Variants in DLG2 observed in about 807,000 individuals in gnomAD.
DLG2 encodes the protein disks large homolog 2.
In DLG2, 45 loss-of-function variants were observed where a neutral mutation model predicts 132.5. That is an observed-to-expected ratio of 0.34 (90% CI 0.27 to 0.44). DLG2 has a LOEUF of 0.44. Ranked by LOEUF, DLG2 falls within the 20% of genes least tolerant of loss-of-function variation. DLG2 has a pLI of 1.00. For synonymous variants in DLG2, 424 were observed against 419.6 expected, an observed-to-expected ratio of 1.01 and a Z score of -0.13; for missense variants, 1,045 against 1,196.9, an observed-to-expected ratio of 0.87 and a Z score of 1.87.
chr11:83,753,846 TATATATCATATATATATTTC>T (rs2093496036), intron 18 of DLG2, among the ~76,000 whole-genome samples: 3 of 11,590 alleles, frequency 2.6e-4, no homozygotes, highest in East Asian at 0.015. Context: ...ATATATATCA[TATATATCATATATATATTTC>T]ATATATATGA....
At chr11:85,440,107 C>T (rs527267542) in intron 3 of DLG2, among the ~76,000 whole-genome samples, 97 of 152,260 alleles carry the variant, frequency 6.4e-4, no homozygotes, top group Non-Finnish European at 1.2e-3. Flanking sequence ...ATATTTACTT[C>T]ATCAATCTGT....
At chr11:84,941,809 T>C (rs1267426423) in intron 6 of DLG2, among the ~76,000 whole-genome samples, 2 of 152,102 alleles carry the variant, frequency 1.3e-5, no homozygotes, top group African/African-American at 4.8e-5. Context: ...ATAGTTTCAA[T>C]AAGACTGGTA....
intron 8 of DLG2, among the ~76,000 whole-genome samples, chr11:84,188,979 C>T (rs191143107): frequency 6.6e-6 from 1 of 152,232 alleles, no homozygotes; most frequent in Non-Finnish European, 1.5e-5. Context: ...CAATGAAGCC[C>T]ATTAACTAAT....
chr11:84,218,133 A>G (rs1334876577), intron 8 of DLG2, among the ~76,000 whole-genome samples: 1 of 151,802 alleles, frequency 6.6e-6, no homozygotes, highest in Non-Finnish European at 1.5e-5. Context: ...GTGCCACTGC[A>G]CTCCAGCCTG....
At position 84,252,112 on chromosome 11, in the gene DLG2, C is replaced by T. The variant is rs1182102097; in HGVS notation, c.520-821G>A. 4.8e-5 allele frequency among the ~76,000 whole-genome samples: 7 copies of T among 144,818 alleles called. No individual in the cohort carries two copies. The South Asian group carries it at 9.1e-4, about 19-fold the overall frequency. Reference sequence around the variant, plus strand: ...TCAACATCTACGTTTACACATTATGCGTGCTGTATCCTGTATTTTCTTTCT... The same window carrying T: ...TCAACATCTACGTTTACACATTATGTGTGCTGTATCCTGTATTTTCTTTCT... On this transcript the variant is annotated intron_variant, in intron 7 of 27. Coordinates refer to ENST00000376104, the MANE Select transcript of DLG2 (RefSeq NM_001142699.3).
chr11:84,987,291 T>C (rs1194430009), intron 6 of DLG2, among the ~76,000 whole-genome samples: 1 of 152,182 alleles, frequency 6.6e-6, no homozygotes, highest in East Asian at 1.9e-4. Context: ...ACACATCCCA[T>C]GCTCATGATT....
intron 7 of DLG2, among the ~76,000 whole-genome samples, chr11:84,408,977 T>C (rs12808166): frequency 0.077 from 11,664 of 152,176 alleles, 569 homozygotes; most frequent in Admixed American, 0.11. Context: ...GCTAATCTGA[T>C]CACATCACTC....
rs765410972 is a variant in DLG2, at chr11:83,945,993, CT to C, written c.1341-15511del. Reference sequence around the variant, plus strand: ...TTTCTCTTTCTCTTTCTCTCTCTCTCTTTTTTTTTTTTTTTTGACAGAGTCT... The same window carrying C: ...TTTCTCTTTCTCTTTCTCTCTCTCTCTTTTTTTTTTTTTTTGACAGAGTCT... On this transcript the variant is annotated intron_variant, in intron 14 of 27. Transcript: ENST00000376104. Among the ~76,000 whole-genome samples, 436 of 71,952 alleles carry C rather than the reference CT, an allele frequency of 6.1e-3. 2 individuals carry two copies. Among genetic ancestry groups the C allele is most frequent in the South Asian group, 0.014 (31 of 2,258 alleles). 47.2% of individuals were successfully genotyped at this position (71,952 alleles called of 152,430 possible).
chr11:85,567,912 A>G (rs1265294783), intron 3 of DLG2, among the ~76,000 whole-genome samples: 1 of 152,018 alleles, frequency 6.6e-6, no homozygotes, highest in Non-Finnish European at 1.5e-5. Context: ...TTTTATAAAT[A>G]TGGTGTATTA....
chr11:84,317,087 G>T lies in DLG2; in HGVS notation c.520-65796C>A, dbSNP rs574447549. Reference sequence around the variant, plus strand: ...GATCAGGGTGGGCGCACTCCTGACGGCATCCATCCCATCGGACCCCCGGCT... The same window carrying T: ...GATCAGGGTGGGCGCACTCCTGACGTCATCCATCCCATCGGACCCCCGGCT... On this transcript the variant is annotated intron_variant, in intron 7 of 27. Coordinates refer to ENST00000376104, the MANE Select transcript of DLG2 (RefSeq NM_001142699.3). The T allele has an allele frequency of 5.6e-6, 9 of 1,612,824 alleles. 1 individual carries two copies. In the Admixed American group the frequency reaches 1.3e-4, roughly 24 times the overall value.
intron 6 of DLG2, among the ~76,000 whole-genome samples, chr11:84,736,942 G>T (rs1230262810): frequency 6.6e-6 from 1 of 151,946 alleles, no homozygotes; most frequent in Non-Finnish European, 1.5e-5. Flanking sequence ...TGATCTTAAG[G>T]GGAAAACATT....
intron 7 of DLG2, among the ~76,000 whole-genome samples, chr11:84,464,382 G>A (rs1012239257): frequency 1.3e-5 from 2 of 151,184 alleles, no homozygotes; most frequent in Non-Finnish European, 3.0e-5. Context: ...TGGTTTGCCA[G>A]ACAGTAAACA....
At position 84,600,378 on chromosome 11, in the gene DLG2, A is replaced by T. The variant is rs114617377; in HGVS notation, c.358-65647T>A. ...GAAAATAAATTTCAACCTAAACCCT[A>T]AACATTTATTATTATTAACTTGTAT... On this transcript the variant is annotated intron_variant, in intron 6 of 27. Coordinates refer to ENST00000376104, the MANE Select transcript of DLG2 (RefSeq NM_001142699.3). 2.8e-3 allele frequency among the ~76,000 whole-genome samples: 433 copies of T among 152,214 alleles called. 1 individual carries two copies. The highest frequency in any genetic ancestry group is 9.9e-3 in the African/African-American group (411 of 41,530).
intron 3 of DLG2, among the ~76,000 whole-genome samples, chr11:85,321,203 G>A (rs1565319471): frequency 6.6e-6 from 1 of 151,876 alleles, no homozygotes; most frequent in Non-Finnish European, 1.5e-5. Context: ...TGAAGGCTAT[G>A]AGAGAGAAAA....
In DLG2 at chr11:84,662,562, T is replaced by G. The variant is rs1348413800; in HGVS notation, c.358-127831A>C. Among the ~76,000 whole-genome samples the G allele has an allele frequency of 1.4e-4, 21 of 147,378 alleles. No individual in the cohort carries two copies. In the Admixed American group the frequency reaches 1.4e-3, roughly 10 times the overall value. On this transcript the variant is annotated intron_variant, in intron 6 of 27. Coordinates refer to ENST00000376104, the MANE Select transcript of DLG2 (RefSeq NM_001142699.3). ...ACTTTGGGAGGCCAAGGAGGGCAGATCCCCACCTGAGGTTGGGAGTTCGAG... is the reference window on the plus strand; with the variant it reads ...ACTTTGGGAGGCCAAGGAGGGCAGAGCCCCACCTGAGGTTGGGAGTTCGAG...
chr11:85,480,014 T>C (rs1389270388), intron 3 of DLG2, among the ~76,000 whole-genome samples: 3 of 152,168 alleles, frequency 2.0e-5, no homozygotes, highest in African/African-American at 7.2e-5. Flanking sequence ...TCTGAGGTAC[T>C]AGGGGTAGGA....
chr11:84,702,646 T>A (rs1210012132), intron 6 of DLG2, among the ~76,000 whole-genome samples: 1 of 151,666 alleles, frequency 6.6e-6, no homozygotes, highest in Non-Finnish European at 1.5e-5. Flanking sequence ...CCTTTCTAAT[T>A]CTAACTCATC....
intron 3 of DLG2, among the ~76,000 whole-genome samples, chr11:85,506,301 T>C (rs1307799823): frequency 6.6e-6 from 1 of 152,196 alleles, no homozygotes; most frequent in East Asian, 1.9e-4. Flanking sequence ...CTTTTAATTG[T>C]GGTGTTAGGG....
At chr11:85,566,636 A>C (rs1434878048) in intron 3 of DLG2, among the ~76,000 whole-genome samples, 1 of 152,120 alleles carries the variant, frequency 6.6e-6, no homozygotes. Context: ...GGTCCCATTC[A>C]CAAGGGGTCT....
Sources: gnomAD v4.1 joint callset for allele counts (sites outside exome capture counted in the v4.1 genomes callset) on GRCh38, gnomAD v4.1.1 for gene constraint, MANE v1.5 for transcripts, NCBI Gene and HGNC (gene_info 2026-07-23, HGNC 2026-07-21) for gene names.